MAP4K3: variants seen among roughly 807,000 people sequenced by gnomAD.
MAP4K3 encodes the protein MAPK/ERK kinase kinase kinase 3.
A neutral mutation model predicts 143.5 loss-of-function variants in MAP4K3; 94 were observed. That is an observed-to-expected ratio of 0.65 (90% CI 0.55 to 0.78). The LOEUF (loss-of-function observed/expected upper bound fraction) is 0.78, where lower values mean the gene tolerates loss of function less well. Among genes scored for constraint, MAP4K3 ranks in the 30% least tolerant of loss-of-function variants. The pLI, the probability that MAP4K3 is intolerant of heterozygous loss-of-function variation, is 0.00. For synonymous variants in MAP4K3, 416 were observed against 347.2 expected (o/e 1.20, Z -2.20); for missense variants, 1,077 against 1,068.1 (o/e 1.01, Z -0.12).
At chr2:39,336,598 T>C (rs1664975583) in intron 6 of MAP4K3, among the ~76,000 whole-genome samples, 1 of 147,784 alleles carries the variant, frequency 6.8e-6, no homozygotes, top group South Asian at 2.2e-4. Flanking sequence ...AGTCAAAGCA[T>C]AAAACTTACT....
intron 19 of MAP4K3, among the ~76,000 whole-genome samples, 164 bp from the exon 20 acceptor site, chr2:39,288,444 G>A (rs1368705727): frequency 6.6e-6 from 1 of 152,080 alleles, no homozygotes; most frequent in Admixed American, 6.5e-5. Context: ...CTATCTTATT[G>A]TTTTAAATAT....
intron 1 of MAP4K3, among the ~76,000 whole-genome samples, chr2:39,420,819 G>C (rs1572510443): frequency 6.6e-6 from 1 of 152,248 alleles, no homozygotes; most frequent in East Asian, 1.9e-4. Context: ...CATCATTGAA[G>C]AATTCTTATT....
intron 1 of MAP4K3, among the ~76,000 whole-genome samples, chr2:39,383,707 G>C (rs945290097): frequency 1.3e-5 from 2 of 151,898 alleles, no homozygotes; most frequent in African/African-American, 4.8e-5. Flanking sequence ...TAAATTATAA[G>C]GTTAATATAC....
At chr2:39,409,771 A>G (rs1375073930) in intron 1 of MAP4K3, among the ~76,000 whole-genome samples, 1 of 152,242 alleles carries the variant, frequency 6.6e-6, no homozygotes, top group African/African-American at 2.4e-5. Context: ...CATATTCTAC[A>G]TGGAATCTCT....
chr2:39,251,496 AC>A (rs1456911697), intron 33 of MAP4K3, among the ~76,000 whole-genome samples: 2 of 152,188 alleles, frequency 1.3e-5, no homozygotes, highest in African/African-American at 4.8e-5. Context: ...CCAATGTCTT[AC>A]AGTCAATCAG....
intron 1 of MAP4K3, among the ~76,000 whole-genome samples, chr2:39,434,921 C>T (rs1054003217): frequency 6.6e-6 from 1 of 152,172 alleles, no homozygotes; most frequent in Non-Finnish European, 1.5e-5. Flanking sequence ...ACCTCTATTA[C>T]ACTTAGGAAA....
chr2:39,345,298 C>T (rs527640556), intron 3 of MAP4K3, among the ~76,000 whole-genome samples: 13 of 38,484 alleles, frequency 3.4e-4, no homozygotes, highest in Non-Finnish European at 5.1e-4. Context: ...TGCAGGGGGT[C>T]GGGGGGAAGG....
At chr2:39,289,031 G>T (rs997410198) in intron 19 of MAP4K3, among the ~76,000 whole-genome samples, 12 of 152,098 alleles carry the variant, frequency 7.9e-5, no homozygotes, top group African/African-American at 2.9e-4. Flanking sequence ...CAGCCTGGGC[G>T]AAAGAGCGAG....
At chr2:39,361,216 T>G (rs1026839351) in intron 2 of MAP4K3, among the ~76,000 whole-genome samples, 1 of 152,142 alleles carries the variant, frequency 6.6e-6, no homozygotes, top group African/African-American at 2.4e-5. Context: ...TGTCTCTACA[T>G]TATAGCAATT....
At chr2:39,392,175 C>T (rs1255787958) in intron 1 of MAP4K3, among the ~76,000 whole-genome samples, 1 of 94,502 alleles carries the variant, frequency 1.1e-5, no homozygotes, top group Non-Finnish European at 2.1e-5. Context: ...CAGAACGACA[C>T]TCCTACTCAA....
intron 19 of MAP4K3, 79 bp downstream of exon 19, chr2:39,290,213 C>T: frequency 9.8e-7 from 1 of 1,015,404 alleles, no homozygotes; most frequent in Non-Finnish European, 1.4e-6. Context: ...AAATGAAAAG[C>T]TAGAAAAACT....
intron 1 of MAP4K3, among the ~76,000 whole-genome samples, chr2:39,426,591 T>A (rs1031485067): frequency 6.6e-6 from 1 of 152,020 alleles, no homozygotes; most frequent in African/African-American, 2.4e-5. Context: ...TATGTATATA[T>A]ACAGAGAATA....
intron 1 of MAP4K3, among the ~76,000 whole-genome samples, chr2:39,398,000 A>AG (rs1357571084): frequency 6.6e-6 from 1 of 152,128 alleles, no homozygotes; most frequent in African/African-American, 2.4e-5. Context: ...CTGTAGGGAA[A>AG]GGGGGGGCAT....
chr2:39,277,006 T>TTA (rs777510016), intron 24 of MAP4K3, among the ~76,000 whole-genome samples: 3 of 152,280 alleles, frequency 2.0e-5, no homozygotes, highest in Non-Finnish European at 2.9e-5. Flanking sequence ...GATATGTGAA[T>TTA]TATATCTCGA....
intron 4 of MAP4K3, among the ~76,000 whole-genome samples, chr2:39,338,006 T>C (rs1361986678): frequency 1.3e-5 from 2 of 152,028 alleles, no homozygotes; most frequent in African/African-American, 4.8e-5. Context: ...CAAGCAATCT[T>C]CCTGCCTCAG....
rs1374581386 is a variant in MAP4K3 at position 39,315,299 on chromosome 2, T to C, written c.997+11A>G. 2 of 1,531,482 alleles carry C rather than the reference T, an allele frequency of 1.3e-6. No individual in the cohort carries two copies. Among genetic ancestry groups the C allele is most frequent in the Non-Finnish European group, 1.8e-6 (2 of 1,107,030 alleles). The allele number at this position is 1,531,482 out of a possible 1,614,324, so 94.9% of individuals were successfully genotyped here. A position where few individuals can be genotyped will look rare whatever the true frequency, so the allele number is the denominator to read the frequency against. On this transcript the variant is annotated intron_variant, in intron 13 of 33. Coordinates refer to ENST00000263881, the MANE Select transcript of MAP4K3 (RefSeq NM_003618.4). ...TCATTAAATCATAAACTGTGTATAG[T>C]ATATACTTACAGGTTATCTCTGAGC...
intron 16 of MAP4K3, among the ~76,000 whole-genome samples, chr2:39,299,441 A>C (rs1193906563): frequency 6.6e-6 from 1 of 152,232 alleles, no homozygotes; most frequent in African/African-American, 2.4e-5. Flanking sequence ...AGAAATAAAC[A>C]GATCAGTTTT....
chr2:39,273,307 G>A (rs1250661863), intron 24 of MAP4K3, among the ~76,000 whole-genome samples: 1 of 152,110 alleles, frequency 6.6e-6, no homozygotes, highest in African/African-American at 2.4e-5. Context: ...TAAATTCTTG[G>A]ACCTCACCCC....
chr2:39,271,388 T>C (rs1408423663), intron 26 of MAP4K3, among the ~76,000 whole-genome samples: 3 of 152,120 alleles, frequency 2.0e-5, no homozygotes, highest in Admixed American at 6.6e-5. Flanking sequence ...AAAATTAAGG[T>C]TTTATGTTAG....
Sources: allele counts gnomAD v4.1 joint callset (sites outside exome capture counted in the v4.1 genomes callset), GRCh38; gene constraint gnomAD v4.1.1; transcripts MANE v1.5; gene names NCBI Gene and HGNC (gene_info 2026-07-23, HGNC 2026-07-21).